Variants in ALK observed in about 807,000 individuals in gnomAD.
ALK encodes ALK receptor tyrosine kinase, also known as ALK tyrosine kinase receptor.
In ALK, 74 loss-of-function variants were observed where a neutral mutation model predicts 163.1. The ratio of observed to expected loss-of-function variants is 0.45; its 90% CI spans 0.38 to 0.55. The LOEUF is 0.55. ALK is among the 20% of genes least tolerant of loss of function. The pLI, the probability that ALK is intolerant of heterozygous loss-of-function variation, is 0.00. For missense variants in ALK, 2,063 were observed against 2,105.3 expected (o/e 0.98, Z 0.39); for synonymous variants, 960 against 843.2 (o/e 1.14, Z -2.40).
intron 20 of ALK, among the ~76,000 whole-genome samples, chr2:29,222,891 G>T (rs1161285068): frequency 6.6e-6 from 1 of 152,168 alleles, no homozygotes; most frequent in African/African-American, 2.4e-5. Flanking sequence ...ATTTGCCAGG[G>T]ACACAGGGGT....
chr2:29,914,145 G>T (rs1481917326), intron 1 of ALK, among the ~76,000 whole-genome samples: 1 of 152,182 alleles, frequency 6.6e-6, no homozygotes, highest in African/African-American at 2.4e-5. Flanking sequence ...AAGTCAAAAG[G>T]CTTACGAGAG....
intron 3 of ALK, among the ~76,000 whole-genome samples, chr2:29,670,196 A>C (rs1573542126): frequency 1.3e-5 from 2 of 152,108 alleles, no homozygotes; most frequent in East Asian, 3.9e-4. Context: ...TCTTTTAAGA[A>C]GAGTATGGTG....
intron 1 of ALK, among the ~76,000 whole-genome samples, chr2:29,766,597 GTGATCTAAATCTATGT>G (rs1434679228): frequency 6.6e-6 from 1 of 152,118 alleles, no homozygotes; most frequent in Non-Finnish European, 1.5e-5. Flanking sequence ...ACAAATATCT[GTGATCTAAATCTATGT>G]TGATCTGTCT....
At chr2:29,361,007 G>A (rs1482585108) in intron 5 of ALK, among the ~76,000 whole-genome samples, 2 of 151,854 alleles carry the variant, frequency 1.3e-5, no homozygotes, top group Admixed American at 6.5e-5. Flanking sequence ...AGAGAAGCAT[G>A]GGCATATTTG....
intron 1 of ALK, among the ~76,000 whole-genome samples, chr2:29,834,848 A>T (rs1276719240): frequency 6.6e-6 from 1 of 152,246 alleles, no homozygotes; most frequent in Non-Finnish European, 1.5e-5. Flanking sequence ...CAGCACTAAC[A>T]GTACCATCAA....
intron 8 of ALK, among the ~76,000 whole-genome samples, chr2:29,315,399 C>A (rs1404415740): frequency 6.6e-6 from 1 of 152,154 alleles, no homozygotes; most frequent in East Asian, 1.9e-4. Flanking sequence ...CTTCTCTTCT[C>A]CCCCGCCTCC....
At chr2:29,917,989 C>T (rs1667880890) in intron 1 of ALK, among the ~76,000 whole-genome samples, 1 of 152,230 alleles carries the variant, frequency 6.6e-6, no homozygotes, top group Non-Finnish European at 1.5e-5. Context: ...GCCCACAATG[C>T]TTCCCTACAG....
At chr2:29,630,234 T>C (rs1235415964) in intron 3 of ALK, among the ~76,000 whole-genome samples, 1 of 152,166 alleles carries the variant, frequency 6.6e-6, no homozygotes, top group East Asian at 1.9e-4. Flanking sequence ...ATATTTCTCC[T>C]AGCTTCTGCC....
chr2:29,498,615 G>A (rs577889318), intron 4 of ALK, among the ~76,000 whole-genome samples: 12 of 152,274 alleles, frequency 7.9e-5, no homozygotes, highest in East Asian at 7.7e-4. Context: ...CCAATGGAGC[G>A]GGGCTCCACT....
intron 1 of ALK, among the ~76,000 whole-genome samples, chr2:29,781,662 G>GTGT (rs1481581991): frequency 6.6e-6 from 1 of 151,544 alleles, no homozygotes; most frequent in African/African-American, 2.4e-5. Flanking sequence ...TCCTAAACCT[G>GTGT]TGTCTGAAAG....
chr2:29,264,590 T>G (rs1665166107), intron 11 of ALK, among the ~76,000 whole-genome samples: 1 of 152,236 alleles, frequency 6.6e-6, no homozygotes, highest in Admixed American at 6.5e-5. Context: ...AAAACAGCAC[T>G]AGTCACAGAG....
At chr2:29,528,724 A>T (rs1049851941) in intron 4 of ALK, among the ~76,000 whole-genome samples, 1 of 152,182 alleles carries the variant, frequency 6.6e-6, no homozygotes, top group Non-Finnish European at 1.5e-5. Context: ...GCCATTTTCC[A>T]TATGCCATTT....
At chr2:29,403,436 G>A (rs992274726) in intron 4 of ALK, among the ~76,000 whole-genome samples, 13 of 152,064 alleles carry the variant, frequency 8.5e-5, no homozygotes, top group Non-Finnish European at 1.8e-4. Context: ...AGCTCATGAC[G>A]CTCCTGAAGA....
chr2:29,831,140 GA>G (rs1444105334), intron 1 of ALK, among the ~76,000 whole-genome samples: 3 of 63,444 alleles, frequency 4.7e-5, no homozygotes, highest in African/African-American at 1.6e-4. Context: ...AGAAGGGGAA[GA>G]AGGGGAAGAA....
At chr2:29,196,939 C>A (rs2148142224) in intron 27 of ALK, 79 bp from the exon 28 acceptor site, 6 of 1,246,918 alleles carry the variant, frequency 4.8e-6, no homozygotes, top group Non-Finnish European at 7.0e-6. Flanking sequence ...CCCAGGGTTG[C>A]AACGAATACG....
At chr2:29,222,321 A>T (rs1474441154) in intron 22 of ALK, 23 bp downstream of exon 22, 5 of 1,611,950 alleles carry the variant, frequency 3.1e-6, no homozygotes, top group Non-Finnish European at 4.2e-6. Context: ...AGTTGGGGTG[A>T]GGGTGTCTCT....
Position 29,920,667 on chromosome 2 carries a change from G to A in ALK, c.-8C>T, listed in dbSNP as rs1175115143. 1 of 1,534,508 alleles carries A rather than the reference G, an allele frequency of 6.5e-7. No individual in the cohort carries two copies. Among genetic ancestry groups the A allele is most frequent in the East Asian group, 2.4e-5 (1 of 40,918 alleles). The stretch of plus-strand genomic sequence containing the variant: ...GAGCCCGATGGCTCCCATCCCGCCG[G>A]AGGAGGCCGTTTACACTGCTCTCCG... On this transcript the variant is annotated 5_prime_UTR_variant, in exon 1 of 29. Coordinates refer to ENST00000389048, the MANE Select transcript of ALK (RefSeq NM_004304.5).
chr2:29,376,033 G>A (rs934490494), intron 5 of ALK, among the ~76,000 whole-genome samples: 1 of 151,984 alleles, frequency 6.6e-6, no homozygotes, highest in African/African-American at 2.4e-5. Flanking sequence ...CCAGAGACAT[G>A]CTAGCCCCGA....
At chr2:29,822,476 T>A (rs1665074698) in intron 1 of ALK, among the ~76,000 whole-genome samples, 1 of 152,178 alleles carries the variant, frequency 6.6e-6, no homozygotes, top group African/African-American at 2.4e-5. Flanking sequence ...CCATGTATAG[T>A]CAAAGTCACA....
Sources: gnomAD v4.1 joint callset for allele counts (sites outside exome capture counted in the v4.1 genomes callset) on GRCh38, gnomAD v4.1.1 for gene constraint, MANE v1.5 for transcripts, NCBI Gene and HGNC (gene_info 2026-07-23, HGNC 2026-07-21) for gene names.